The following DLG1 variants were observed in gnomAD, a reference collection of about 807,000 sequenced individuals.
The protein encoded by DLG1 is discs large MAGUK scaffold protein 1.
DLG1 carries 42 observed loss-of-function variants against 123.4 expected under a neutral mutation model. The ratio of observed to expected loss-of-function variants is 0.34; its 90% CI spans 0.27 to 0.44. The LOEUF (loss-of-function observed/expected upper bound fraction) is 0.44, where lower values mean the gene tolerates loss of function less well. DLG1 is among the 20% of genes least tolerant of loss of function. The pLI, the probability that DLG1 is intolerant of heterozygous loss-of-function variation, is 1.00. For missense variants in DLG1, 942 were observed against 1,082.6 expected, an observed-to-expected ratio of 0.87 and a Z score of 1.82; for synonymous variants, 317 against 356.2, an observed-to-expected ratio of 0.89 and a Z score of 1.24.
intron 4 of DLG1, among the ~76,000 whole-genome samples, chr3:197,275,797 T>C (rs1223695477): frequency 6.6e-6 from 1 of 152,022 alleles, no homozygotes; most frequent in South Asian, 2.1e-4. Context: ...AAAATACAAT[T>C]AGAAGTGTTC....
chr3:197,082,502 T>A (rs1419533499), intron 16 of DLG1, among the ~76,000 whole-genome samples: 1 of 152,218 alleles, frequency 6.6e-6, no homozygotes, highest in East Asian at 1.9e-4. Context: ...TAGCATTTAG[T>A]GGGTGAGCAT....
intron 3 of DLG1, among the ~76,000 whole-genome samples, chr3:197,284,436 G>A (rs190419441): frequency 2.6e-5 from 4 of 152,182 alleles, no homozygotes; most frequent in African/African-American, 9.6e-5. Flanking sequence ...TTACTACCTA[G>A]TATAAAATGA....
At chr3:197,232,421 C>T (rs1396318539) in intron 4 of DLG1, among the ~76,000 whole-genome samples, 1 of 143,382 alleles carries the variant, frequency 7.0e-6, no homozygotes. Context: ...CTCATGGTAA[C>T]AAAAAGAAAA....
intron 22 of DLG1, among the ~76,000 whole-genome samples, chr3:197,061,877 A>G (rs1736069034): frequency 6.6e-6 from 1 of 152,138 alleles, no homozygotes; most frequent in Non-Finnish European, 1.5e-5. Context: ...TACCTTTGTA[A>G]CTGATAAGTA....
chr3:197,045,793 A>AATTAAATAAGTCACTTAC (rs1318637032), intron 24 of DLG1, among the ~76,000 whole-genome samples: 8 of 152,174 alleles, frequency 5.3e-5, no homozygotes, highest in African/African-American at 1.9e-4. Flanking sequence ...GAGAATTGCA[A>AATTAAATAAGTCACTTAC]ATTAAATAAG....
intron 5 of DLG1, among the ~76,000 whole-genome samples, chr3:197,163,644 C>T (rs1000629023): frequency 1.3e-5 from 2 of 151,460 alleles, no homozygotes; most frequent in Non-Finnish European, 2.9e-5. Flanking sequence ...GCCTCAGCCT[C>T]CCAAGTAGCT....
intron 9 of DLG1, among the ~76,000 whole-genome samples, chr3:197,137,480 A>G (rs1366736351): frequency 1.3e-5 from 2 of 152,240 alleles, no homozygotes; most frequent in Non-Finnish European, 2.9e-5. Flanking sequence ...TTTTAATGCT[A>G]GAAGTCTTCA....
chr3:197,282,988 A>G (rs1274890551), intron 3 of DLG1, 143 bp from the exon 4 acceptor site: 2 of 490,524 alleles, frequency 4.1e-6, no homozygotes, highest in Admixed American at 7.6e-5. Flanking sequence ...TAAACAGTGA[A>G]TATTATCTTA....
chr3:197,119,160 G>C (rs925463646), intron 12 of DLG1, among the ~76,000 whole-genome samples: 2 of 151,938 alleles, frequency 1.3e-5, no homozygotes, highest in Non-Finnish European at 2.9e-5. Flanking sequence ...AATTCCTAAG[G>C]ACAATTTACC....
chr3:197,264,905 G>A (rs1761043463), intron 4 of DLG1, among the ~76,000 whole-genome samples: 1 of 152,130 alleles, frequency 6.6e-6, no homozygotes, highest in Admixed American at 6.5e-5. Context: ...CTGTACTGTA[G>A]GCGTGTATTT....
At chr3:197,272,630 T>C (rs1764393708) in intron 4 of DLG1, among the ~76,000 whole-genome samples, 1 of 152,196 alleles carries the variant, frequency 6.6e-6, no homozygotes. Context: ...AATGTGTAAA[T>C]ATATTCTGGT....
At chr3:197,045,447 GAA>G (rs968073447) in intron 24 of DLG1, among the ~76,000 whole-genome samples, 38 of 152,078 alleles carry the variant, frequency 2.5e-4, no homozygotes, top group Non-Finnish European at 4.4e-5. Flanking sequence ...AAGAAAGAAA[GAA>G]AATGTTTATG....
intron 4 of DLG1, among the ~76,000 whole-genome samples, chr3:197,223,148 A>T (rs1028437991): frequency 5.3e-5 from 8 of 152,202 alleles, no homozygotes; most frequent in African/African-American, 1.2e-4. Flanking sequence ...TACATTAAGA[A>T]CTTGAATGTC....
At chr3:197,139,312 C>T (rs1295880267) in intron 8 of DLG1, among the ~76,000 whole-genome samples, 1 of 152,148 alleles carries the variant, frequency 6.6e-6, no homozygotes, top group Admixed American at 6.5e-5. Flanking sequence ...TCTACATTTA[C>T]ATGAATGGTC....
intron 23 of DLG1, among the ~76,000 whole-genome samples, chr3:197,053,186 G>A (rs1729162186): frequency 6.6e-6 from 1 of 152,126 alleles, no homozygotes; most frequent in Non-Finnish European, 1.5e-5. Context: ...CCAACTTAAA[G>A]GAAAGCCTTC....
intron 4 of DLG1, among the ~76,000 whole-genome samples, chr3:197,271,076 G>A (rs1763743540): frequency 6.6e-6 from 1 of 152,088 alleles, no homozygotes; most frequent in Admixed American, 6.6e-5. Context: ...ACCAGATTTG[G>A]TATGTGTATT....
intron 4 of DLG1, among the ~76,000 whole-genome samples, chr3:197,276,179 C>A (rs1052276897): frequency 6.6e-6 from 1 of 152,172 alleles, no homozygotes; most frequent in African/African-American, 2.4e-5. Flanking sequence ...ATTTTGCCTG[C>A]TACTTTATCT....
intron 23 of DLG1, among the ~76,000 whole-genome samples, chr3:197,054,068 C>G (rs1729884399): frequency 6.6e-6 from 1 of 152,128 alleles, no homozygotes; most frequent in African/African-American, 2.4e-5. Flanking sequence ...TGCACTCCAG[C>G]CTGGGTGACA....
chr3:197,210,339 T>C lies in DLG1; in HGVS notation c.319-15750A>G, dbSNP rs371473418. Among the ~76,000 whole-genome samples, 30 of 143,058 alleles carry C rather than the reference T, an allele frequency of 2.1e-4. 3 individuals are homozygous for C. The East Asian group carries it at 2.2e-3, about 10-fold the overall frequency. 93.9% of individuals were successfully genotyped at this position (143,058 alleles called of 152,430 possible). On this transcript the variant is annotated intron_variant, in intron 4 of 24. Transcript: ENST00000667157. ...AATCAATGAAACAGAAAACAAAGAA[T>C]TGAGTATATTAACAAAGCCAAATAA...
Sources: allele counts gnomAD v4.1 joint callset (sites outside exome capture counted in the v4.1 genomes callset), GRCh38; gene constraint gnomAD v4.1.1; transcripts MANE v1.5; gene names NCBI Gene and HGNC (gene_info 2026-07-23, HGNC 2026-07-21).